Variants in VPS13B observed in about 807,000 individuals in gnomAD.
VPS13B encodes the protein vacuolar protein sorting 13 homolog B.
VPS13B carries 285 observed loss-of-function variants against 426.4 expected under a neutral mutation model. The observed-to-expected ratio is 0.67, with a 90% CI of 0.61 to 0.74. VPS13B has a LOEUF of 0.74. Among genes scored for constraint, VPS13B ranks in the 30% least tolerant of loss-of-function variants. The pLI, the probability that VPS13B is intolerant of heterozygous loss-of-function variation, is 0.00. For missense variants in VPS13B, 4,537 were observed against 4,782.6 expected (o/e 0.95, Z 1.51); for synonymous variants, 1,676 against 1,676.4 (o/e 1.00, Z 0.01).
intron 17 of VPS13B, among the ~76,000 whole-genome samples, chr8:99,244,370 A>T (rs1817090630): frequency 6.6e-6 from 1 of 152,260 alleles, no homozygotes; most frequent in Non-Finnish European, 1.5e-5. Flanking sequence ...TCCAGTTTTT[A>T]TAAGCAGGTT....
chr8:99,588,507 T>C (rs774853817), intron 33 of VPS13B, among the ~76,000 whole-genome samples: 8 of 151,730 alleles, frequency 5.3e-5, no homozygotes, highest in Non-Finnish European at 8.8e-5. Flanking sequence ...CAGTGGTTTG[T>C]AGTTCTGCTT....
rs902862247 is a variant in VPS13B, at chr8:99,169,026, AATT to A, written c.2209-1009_2209-1007del. On this transcript the variant is annotated intron_variant, in intron 15 of 61. Coordinates refer to ENST00000357162, the MANE Select transcript of VPS13B (RefSeq NM_152564.5). ...GCTTAATACTTTTAAAGAAATTGAT[AATT>A]ATTTTATGCTCATTAAATAGTATTT... 4.3e-4 allele frequency among the ~76,000 whole-genome samples: 66 copies of A among 152,126 alleles called. 1 individual carries two copies. The highest frequency in any genetic ancestry group is 1.5e-3 in the African/African-American group (62 of 41,570).
chr8:99,249,186 T>G (rs11773983), intron 17 of VPS13B, among the ~76,000 whole-genome samples: 111,181 of 151,680 alleles, frequency 0.73, 41,466 homozygotes, highest in South Asian at 0.86. Flanking sequence ...CTAGCCAAGT[T>G]GTTGTGTGTA....
At chr8:99,019,235 T>C (rs1841769431) in intron 2 of VPS13B, among the ~76,000 whole-genome samples, 1 of 151,220 alleles carries the variant, frequency 6.6e-6, no homozygotes, top group Non-Finnish European at 1.5e-5. Context: ...AGATAGAGTT[T>C]CACTCTTGTT....
At chr8:99,611,004 A>T (rs1442213966) in intron 33 of VPS13B, among the ~76,000 whole-genome samples, 1 of 152,232 alleles carries the variant, frequency 6.6e-6, no homozygotes, top group Non-Finnish European at 1.5e-5. Context: ...TGGTTATAGA[A>T]AAACTGTTAG....
intron 2 of VPS13B, among the ~76,000 whole-genome samples, chr8:99,017,199 T>A (rs574693503): frequency 3.3e-5 from 5 of 152,318 alleles, no homozygotes; most frequent in African/African-American, 1.2e-4. Context: ...TAAGGTTAAT[T>A]TTTTTCCATT....
At chr8:99,245,551 A>G (rs1035000437) in intron 17 of VPS13B, among the ~76,000 whole-genome samples, 1 of 152,182 alleles carries the variant, frequency 6.6e-6, no homozygotes, top group Non-Finnish European at 1.5e-5. Flanking sequence ...TTGACCTTAA[A>G]TATGAGAATA....
intron 33 of VPS13B, among the ~76,000 whole-genome samples, chr8:99,617,013 G>A (rs139894642): frequency 6.6e-6 from 1 of 152,200 alleles, no homozygotes; most frequent in Non-Finnish European, 1.5e-5. Context: ...GAGATGTATA[G>A]TTGTAAGGTT....
chr8:99,325,027 A>G (rs1810168833), intron 19 of VPS13B, among the ~76,000 whole-genome samples: 1 of 152,160 alleles, frequency 6.6e-6, no homozygotes, highest in Admixed American at 6.6e-5. Context: ...GTAGGCTAGC[A>G]TTATTGTTCT....
intron 21 of VPS13B, among the ~76,000 whole-genome samples, chr8:99,429,412 CT>C (rs34833494): frequency 0.094 from 14,289 of 151,990 alleles, 887 homozygotes; most frequent in Non-Finnish European, 0.14. Context: ...AGCCAAATAA[CT>C]TTTTTTCTGT....
intron 8 of VPS13B, 101 bp from the exon 9 acceptor site, chr8:99,134,531 A>C: frequency 1.1e-6 from 1 of 929,840 alleles, no homozygotes; most frequent in Non-Finnish European, 1.6e-6. Context: ...AATTTCCTGA[A>C]TCTTAAAATT....
intron 16 of VPS13B, among the ~76,000 whole-genome samples, chr8:99,171,114 T>G (rs892675058): frequency 6.6e-6 from 1 of 151,906 alleles, no homozygotes; most frequent in Admixed American, 6.6e-5. Flanking sequence ...TAGTTAAGTC[T>G]TAGTACCAAT....
At chr8:99,855,632 G>T (rs1024229246) in intron 56 of VPS13B, among the ~76,000 whole-genome samples, 2 of 152,176 alleles carry the variant, frequency 1.3e-5, no homozygotes, top group African/African-American at 4.8e-5. Context: ...TTGTAAAGTT[G>T]TACTTTGTGA....
chr8:99,211,094 A>G (rs1025413460), intron 17 of VPS13B, among the ~76,000 whole-genome samples: 1 of 151,992 alleles, frequency 6.6e-6, no homozygotes, highest in East Asian at 1.9e-4. Context: ...CCTTACTCTC[A>G]TCCTTGTTAC....
chr8:99,681,482 G>A (rs966969893), intron 35 of VPS13B, among the ~76,000 whole-genome samples: 4 of 152,164 alleles, frequency 2.6e-5, no homozygotes, highest in African/African-American at 9.7e-5. Context: ...AGGTTGCACT[G>A]TATGCCCTGT....
intron 33 of VPS13B, among the ~76,000 whole-genome samples, chr8:99,593,404 A>T (rs1378109179): frequency 6.6e-6 from 1 of 152,116 alleles, no homozygotes; most frequent in Non-Finnish European, 1.5e-5. Context: ...AAAAGTCAAA[A>T]AACAACAGAT....
At chr8:99,312,833 A>G (rs966009753) in intron 19 of VPS13B, among the ~76,000 whole-genome samples, 6 of 152,198 alleles carry the variant, frequency 3.9e-5, no homozygotes, top group African/African-American at 1.4e-4. Context: ...GTCTTTTCAC[A>G]TAGTCCCATA....
Position 99,778,820 on chromosome 8 carries a change from T to A in VPS13B, c.7568T>A (p.Phe2523Tyr), listed in dbSNP as rs768759229. 8 of 1,614,046 alleles carry A rather than the reference T, an allele frequency of 5.0e-6. No individual in the cohort carries two copies. The highest frequency in any genetic ancestry group is 6.8e-6 in the Non-Finnish European group (8 of 1,179,934). The change falls in exon 42 of 62, where the codon TTC becomes TAC. Residue 2523 changes from phenylalanine to tyrosine, a missense_variant. This residue lies in a region of VPS13B where 4,311 missense variants were observed against 4,474.3 expected (regional missense o/e 0.96). Coordinates refer to ENST00000357162, the MANE Select transcript of VPS13B (RefSeq NM_152564.5). Reference sequence around the variant, plus strand: ...GGTTCTGTCTGTCAGGAGATCCAGTTCTTAGCTCAAGCAGACTGTAAACTT... The same window carrying A: ...GGTTCTGTCTGTCAGGAGATCCAGTACTTAGCTCAAGCAGACTGTAAACTT... ...NNGSVCQEIQ[F>Y]LAQADCKLLE...
chr8:99,519,176 T>C (rs1432915869), intron 29 of VPS13B, among the ~76,000 whole-genome samples: 2 of 152,116 alleles, frequency 1.3e-5, no homozygotes, highest in Admixed American at 1.3e-4. Context: ...TTTGATGGGG[T>C]TGTTTTTTTC....
Sources: allele counts gnomAD v4.1 joint callset (sites outside exome capture counted in the v4.1 genomes callset), GRCh38; gene constraint gnomAD v4.1.1; regional missense constraint gnomAD v4.1.1; transcripts MANE v1.5; gene names NCBI Gene and HGNC (gene_info 2026-07-23, HGNC 2026-07-21).